Variants in MEGF10 observed in about 807,000 individuals in gnomAD.
The protein encoded by MEGF10 is multiple EGF like domains 10.
A neutral mutation model predicts 147.5 loss-of-function variants in MEGF10; 86 were observed. That is an observed-to-expected ratio of 0.58 (90% CI 0.49 to 0.70). The LOEUF is 0.70. Ranked by LOEUF, MEGF10 falls within the 30% of genes least tolerant of loss-of-function variation. The pLI is 0.00. For missense variants in MEGF10, 1,329 were observed against 1,487.3 expected (o/e 0.89, Z 1.75); for synonymous variants, 478 against 525.5 (o/e 0.91, Z 1.24).
the MEGF10 span, among the ~76,000 whole-genome samples, chr5:127,272,788 G>C: frequency 6.6e-6 from 1 of 152,212 alleles, no homozygotes; most frequent in East Asian, 1.9e-4. Context: ...TGTATACTGA[G>C]ACTTTGCTGA....
intron 1 of MEGF10, among the ~76,000 whole-genome samples, chr5:127,312,321 A>C (rs561132140): frequency 2.0e-5 from 3 of 152,218 alleles, no homozygotes; most frequent in Non-Finnish European, 4.4e-5. Flanking sequence ...AACAGAGACC[A>C]ATGCCATTCA....
chr5:127,406,647 C>G (rs1676198201), intron 8 of MEGF10, among the ~76,000 whole-genome samples: 1 of 152,150 alleles, frequency 6.6e-6, no homozygotes, highest in Non-Finnish European at 1.5e-5. Flanking sequence ...GGGGACAGTC[C>G]TCCCCGCCAG....
intron 13 of MEGF10, among the ~76,000 whole-genome samples, chr5:127,429,775 C>T (rs1329726754): frequency 6.6e-6 from 1 of 152,128 alleles, no homozygotes. Flanking sequence ...AAAAGAGCAC[C>T]TGACAGGTTT....
intron 1 of MEGF10, among the ~76,000 whole-genome samples, chr5:127,302,865 G>A (rs1301227694): frequency 1.3e-5 from 2 of 152,214 alleles, no homozygotes; most frequent in Non-Finnish European, 2.9e-5. Flanking sequence ...CGGATTTGGT[G>A]ACCAGAGAAG....
At chr5:127,258,104 T>G in the MEGF10 span, among the ~76,000 whole-genome samples, 1 of 152,208 alleles carries the variant, frequency 6.6e-6, no homozygotes, top group Admixed American at 6.5e-5. Context: ...TACTTAGCTT[T>G]AATTTCCAAT....
chr5:127,268,554 G>T, the MEGF10 span, among the ~76,000 whole-genome samples: 1 of 152,306 alleles, frequency 6.6e-6, no homozygotes, highest in Non-Finnish European at 1.5e-5. Flanking sequence ...GGCGCCCACC[G>T]TTGGTGAGGC....
At chr5:127,380,006 C>T (rs1763189777) in intron 5 of MEGF10, among the ~76,000 whole-genome samples, 1 of 151,928 alleles carries the variant, frequency 6.6e-6, no homozygotes, top group Admixed American at 6.6e-5. Flanking sequence ...TACTCTGTAT[C>T]ATATCTCCTT....
intron 10 of MEGF10, 51 bp from the exon 11 acceptor site, chr5:127,419,069 C>T (rs781294254): frequency 1.3e-6 from 2 of 1,567,998 alleles, no homozygotes; most frequent in East Asian, 2.3e-5. Context: ...TTGTGTTGGC[C>T]TTATTTCAGT....
chr5:127,330,050 G>A (rs1384080562), intron 1 of MEGF10, among the ~76,000 whole-genome samples: 1 of 152,088 alleles, frequency 6.6e-6, no homozygotes, highest in East Asian at 1.9e-4. Context: ...CCAGAGGAGG[G>A]CTTCTATGAG....
chr5:127,344,440 G>A (rs1221648528), intron 4 of MEGF10, among the ~76,000 whole-genome samples: 4 of 151,984 alleles, frequency 2.6e-5, no homozygotes, highest in Non-Finnish European at 2.9e-5. Context: ...CTGATCAATC[G>A]GTGATGAGTG....
intron 9 of MEGF10, among the ~76,000 whole-genome samples, chr5:127,411,234 T>A (rs1216510468): frequency 6.6e-6 from 1 of 152,178 alleles, no homozygotes; most frequent in Non-Finnish European, 1.5e-5. Context: ...TTGTCTGCCC[T>A]GAAAATGTCT....
the MEGF10 span, among the ~76,000 whole-genome samples, chr5:127,232,346 A>G: frequency 8.5e-5 from 13 of 152,326 alleles, no homozygotes; most frequent in East Asian, 1.9e-3. Flanking sequence ...TAAATTTTAC[A>G]TAAGTAGCTG....
At chr5:127,383,989 A>T (rs904501779) in intron 5 of MEGF10, among the ~76,000 whole-genome samples, 1 of 152,180 alleles carries the variant, frequency 6.6e-6, no homozygotes, top group African/African-American at 2.4e-5. Flanking sequence ...TCCAGAAGGA[A>T]GATAAGCATT....
intron 16 of MEGF10, among the ~76,000 whole-genome samples, chr5:127,438,099 A>G (rs1431192178): frequency 6.6e-6 from 1 of 151,994 alleles, no homozygotes; most frequent in Middle Eastern, 3.2e-3. Context: ...TTTGTCTTAT[A>G]CTCTGCTATC....
At chr5:127,303,297 C>T (rs533219646) in intron 1 of MEGF10, among the ~76,000 whole-genome samples, 50 of 146,328 alleles carry the variant, frequency 3.4e-4, no homozygotes, top group African/African-American at 1.2e-3. Flanking sequence ...GATTGCACTA[C>T]TGCACTCCAG....
the MEGF10 span, among the ~76,000 whole-genome samples, chr5:127,241,869 G>T: frequency 6.6e-6 from 1 of 152,046 alleles, no homozygotes; most frequent in Non-Finnish European, 1.5e-5. Context: ...GCACTGAGGA[G>T]CCCAAAGGCT....
intron 5 of MEGF10, among the ~76,000 whole-genome samples, chr5:127,378,321 C>CTTA (rs1476280312): frequency 6.6e-6 from 1 of 152,208 alleles, no homozygotes; most frequent in Non-Finnish European, 1.5e-5. Flanking sequence ...GTAAATGCTA[C>CTTA]TTATGATTCC....
At chr5:127,270,758 C>T in the MEGF10 span, among the ~76,000 whole-genome samples, 6 of 152,128 alleles carry the variant, frequency 3.9e-5, no homozygotes, top group Non-Finnish European at 5.9e-5. Flanking sequence ...TTGTTTGTTC[C>T]CCTGCCATGT....
At chr5:127,308,316 A>T (rs2126729207) in intron 1 of MEGF10, among the ~76,000 whole-genome samples, 1 of 152,348 alleles carries the variant, frequency 6.6e-6, no homozygotes, top group Non-Finnish European at 1.5e-5. Flanking sequence ...CAAATTCCTT[A>T]GAACTTTTCT....
Sources: allele counts gnomAD v4.1 joint callset (sites outside exome capture counted in the v4.1 genomes callset), GRCh38; gene constraint gnomAD v4.1.1; transcripts MANE v1.5; gene names NCBI Gene and HGNC (gene_info 2026-07-23, HGNC 2026-07-21).